Variants in SPIDR observed in about 807,000 individuals in gnomAD.
The protein encoded by SPIDR is DNA repair-scaffolding protein.
A neutral mutation model predicts 104.6 loss-of-function variants in SPIDR; 93 were observed. The ratio of observed to expected loss-of-function variants is 0.89; its 90% CI spans 0.75 to 1.06. SPIDR has a LOEUF of 1.06. SPIDR is among the 50% of genes least tolerant of loss of function. The probability of loss-of-function intolerance (pLI) is 0.00; values close to 1 mark genes in which losing one functional copy is unlikely to be tolerated. For missense variants in SPIDR, 1,154 were observed against 1,111.2 expected, an observed-to-expected ratio of 1.04 and a Z score of -0.55; for synonymous variants, 431 against 416.9, an observed-to-expected ratio of 1.03 and a Z score of -0.41.
intron 5 of SPIDR, among the ~76,000 whole-genome samples, chr8:47,361,740 C>T (rs782451878): frequency 8.6e-5 from 13 of 152,036 alleles, no homozygotes; most frequent in Non-Finnish European, 1.6e-4. Flanking sequence ...GCTTGCAGGT[C>T]GGAGAACTAC....
chr8:47,378,572 T>C (rs1465149501), intron 5 of SPIDR, among the ~76,000 whole-genome samples: 1 of 152,226 alleles, frequency 6.6e-6, no homozygotes, highest in Non-Finnish European at 1.5e-5. Flanking sequence ...TATAAGATAC[T>C]GTGTGGATAG....
chr8:47,700,528 C>T, intron 12 of SPIDR, 38 bp downstream of exon 12: 1 of 1,604,462 alleles, frequency 6.2e-7, no homozygotes, highest in Non-Finnish European at 8.5e-7. Context: ...CAGTCACAGA[C>T]TACTCCATGC....
At chr8:47,447,797 C>G (rs1237498249) in intron 8 of SPIDR, among the ~76,000 whole-genome samples, 2 of 152,138 alleles carry the variant, frequency 1.3e-5, no homozygotes, top group Non-Finnish European at 2.9e-5. Context: ...ACCACCACCC[C>G]AATCAGTCAG....
chr8:47,378,954 T>C (rs1297866988), intron 5 of SPIDR, among the ~76,000 whole-genome samples: 1 of 152,232 alleles, frequency 6.6e-6, no homozygotes, highest in African/African-American at 2.4e-5. Context: ...GCAGAACCTA[T>C]ATTTTATTCA....
intron 8 of SPIDR, among the ~76,000 whole-genome samples, chr8:47,476,393 TGAG>T (rs1218712796): frequency 6.6e-6 from 1 of 152,138 alleles, no homozygotes; most frequent in African/African-American, 2.4e-5. Flanking sequence ...ATTAGGGTGA[TGAG>T]GAGATATGAA....
intron 10 of SPIDR, chr8:47,673,486 TGAG>T (rs1485118000): frequency 2.1e-6 from 1 of 484,632 alleles, no homozygotes; most frequent in Non-Finnish European, 4.1e-6. Flanking sequence ...ATGGTCATCT[TGAG>T]GTACTTTTCA....
intron 1 of SPIDR, among the ~76,000 whole-genome samples, chr8:47,265,736 G>A (rs142490609): frequency 6.4e-4 from 98 of 152,274 alleles, no homozygotes; most frequent in African/African-American, 2.1e-3. Context: ...TAAATTCACA[G>A]ACAATTGTGA....
At chr8:47,530,738 T>G (rs538479074) in intron 8 of SPIDR, among the ~76,000 whole-genome samples, 1 of 152,290 alleles carries the variant, frequency 6.6e-6, no homozygotes, top group South Asian at 2.1e-4. Flanking sequence ...ATTTCTTTCT[T>G]TAATAATAAA....
chr8:47,569,291 G>T (rs901351494), intron 8 of SPIDR, among the ~76,000 whole-genome samples: 2 of 152,162 alleles, frequency 1.3e-5, no homozygotes, highest in African/African-American at 4.8e-5. Context: ...GAGTCAAAGG[G>T]AGAAATAGAC....
At chr8:47,538,054 A>C (rs1297451793) in intron 8 of SPIDR, among the ~76,000 whole-genome samples, 1 of 152,044 alleles carries the variant, frequency 6.6e-6, no homozygotes, top group Non-Finnish European at 1.5e-5. Flanking sequence ...TCGCGCATAT[A>C]ATCTCAGCTA....
chr8:47,554,317 T>C (rs759606098), intron 8 of SPIDR, among the ~76,000 whole-genome samples: 1 of 152,236 alleles, frequency 6.6e-6, no homozygotes, highest in Non-Finnish European at 1.5e-5. Context: ...AATTGGCTGC[T>C]GCCTTTTGTT....
At chr8:47,347,694 T>G (rs528374108) in intron 5 of SPIDR, among the ~76,000 whole-genome samples, 1 of 152,214 alleles carries the variant, frequency 6.6e-6, no homozygotes, top group Non-Finnish European at 1.5e-5. Context: ...CCCTTTACCA[T>G]TATGTAATGG....
intron 19 of SPIDR, among the ~76,000 whole-genome samples, chr8:47,731,557 C>A (rs944341771): frequency 6.6e-6 from 1 of 152,254 alleles, no homozygotes; most frequent in Non-Finnish European, 1.5e-5. Flanking sequence ...GTGCCCAAGG[C>A]AAAGACATCC....
chr8:47,658,141 G>C (rs181337176), intron 10 of SPIDR, among the ~76,000 whole-genome samples: 1 of 151,906 alleles, frequency 6.6e-6, no homozygotes, highest in East Asian at 1.9e-4. Context: ...CGTCTTGGCC[G>C]GGTGCCGTGG....
At chr8:47,499,239 C>T (rs2079942284) in intron 8 of SPIDR, among the ~76,000 whole-genome samples, 1 of 152,184 alleles carries the variant, frequency 6.6e-6, no homozygotes, top group Non-Finnish European at 1.5e-5. Flanking sequence ...CTGTACTGCA[C>T]TGACATGTAA....
chr8:47,522,340 T>A (rs2084296501), intron 8 of SPIDR, among the ~76,000 whole-genome samples: 1 of 152,146 alleles, frequency 6.6e-6, no homozygotes, highest in East Asian at 1.9e-4. Flanking sequence ...GTAACTGTAT[T>A]TTGTATTTAC....
chr8:47,494,123 G>A (rs1413551989), intron 8 of SPIDR, among the ~76,000 whole-genome samples: 1 of 151,376 alleles, frequency 6.6e-6, no homozygotes, highest in African/African-American at 2.4e-5. Context: ...TTTGTAGCTG[G>A]GACTCCACCC....
At chr8:47,598,407 G>A (rs2154424895) in intron 9 of SPIDR, among the ~76,000 whole-genome samples, 1 of 152,242 alleles carries the variant, frequency 6.6e-6, no homozygotes, top group Non-Finnish European at 1.5e-5. Flanking sequence ...ACATTTAAAA[G>A]CCTGGAATAT....
intron 7 of SPIDR, among the ~76,000 whole-genome samples, chr8:47,426,772 TAA>T (rs2066484750): frequency 6.6e-6 from 1 of 152,204 alleles, no homozygotes; most frequent in Non-Finnish European, 1.5e-5. Flanking sequence ...ACTCATCCTT[TAA>T]TGAGGAACCA....
Sources: gnomAD v4.1 joint callset for allele counts (sites outside exome capture counted in the v4.1 genomes callset) on GRCh38, gnomAD v4.1.1 for gene constraint, MANE v1.5 for transcripts, NCBI Gene and HGNC (gene_info 2026-07-23, HGNC 2026-07-21) for gene names.